The following UNC13C variants were observed in gnomAD, a reference collection of about 807,000 sequenced individuals.
UNC13C encodes the protein protein unc-13 homolog C.
A neutral mutation model predicts 245.4 loss-of-function variants in UNC13C; 174 were observed. The observed-to-expected ratio is 0.71, with a 90% CI of 0.63 to 0.80. The LOEUF is 0.80. Ranked by LOEUF, UNC13C falls within the 30% of genes least tolerant of loss-of-function variation. The probability of loss-of-function intolerance (pLI) is 0.00; values close to 1 mark genes in which losing one functional copy is unlikely to be tolerated. For missense variants in UNC13C, 2,829 were observed against 2,602.9 expected (o/e 1.09, Z -1.89); for synonymous variants, 992 against 895.1 (o/e 1.11, Z -1.93).
chr15:53,896,694 C>A, the UNC13C span, among the ~76,000 whole-genome samples: 4 of 152,190 alleles, frequency 2.6e-5, no homozygotes, highest in African/African-American at 9.6e-5. Flanking sequence ...TGTTTCTCAG[C>A]CTCCCTAAAG....
chr15:54,003,379 G>A (rs1021420573), intron 1 of UNC13C, among the ~76,000 whole-genome samples: 3 of 152,166 alleles, frequency 2.0e-5, no homozygotes, highest in Non-Finnish European at 4.4e-5. Context: ...AAAAGCAACA[G>A]TGCTTATCAT....
At chr15:54,008,210 A>G (rs937981356) in intron 1 of UNC13C, among the ~76,000 whole-genome samples, 1 of 152,200 alleles carries the variant, frequency 6.6e-6, no homozygotes, top group Admixed American at 6.5e-5. Flanking sequence ...ATTAAACACT[A>G]ATATTAGTTT....
chr15:54,632,613 C>T (rs1201380189), downstream of UNC13C: 1 of 152,152 alleles, frequency 6.6e-6, no homozygotes, highest in Non-Finnish European at 1.5e-5. Flanking sequence ...TCCAGCACCA[C>T]ACAATTCATT....
At chr15:54,600,534 C>T (rs973618754) in intron 30 of UNC13C, among the ~76,000 whole-genome samples, 1 of 151,916 alleles carries the variant, frequency 6.6e-6, no homozygotes, top group Non-Finnish European at 1.5e-5. Flanking sequence ...TTCCTTTGTC[C>T]CTATGGTACT....
chr15:53,983,182 AG>A (rs1353841851), intron 1 of UNC13C, among the ~76,000 whole-genome samples: 1 of 152,186 alleles, frequency 6.6e-6, no homozygotes, highest in Admixed American at 6.6e-5. Flanking sequence ...AAATAGCATT[AG>A]GATACTTAGC....
chr15:54,472,398 C>G (rs1455279308), intron 19 of UNC13C, among the ~76,000 whole-genome samples: 1 of 151,770 alleles, frequency 6.6e-6, no homozygotes, highest in East Asian at 1.9e-4. Flanking sequence ...ATTGTTATGT[C>G]AGTTTTATAG....
At chr15:54,120,651 A>G (rs2141193431) in intron 2 of UNC13C, among the ~76,000 whole-genome samples, 1 of 152,160 alleles carries the variant, frequency 6.6e-6, no homozygotes, top group South Asian at 2.1e-4. Flanking sequence ...GAATCTAGGA[A>G]AAAGTCAATT....
Position 54,013,577 on chromosome 15 carries a change from C to A in UNC13C, c.674C>A (p.Ala225Asp), listed in dbSNP as rs1337922521. 1 of 1,613,556 alleles carries A rather than the reference C, an allele frequency of 6.2e-7. No homozygotes were observed. Among genetic ancestry groups the A allele is most frequent in the Non-Finnish European group, 8.5e-7 (1 of 1,179,712 alleles). The change falls in exon 2 of 33, where the codon GCC becomes GAC. Residue 225 changes from alanine (A) to aspartate (D), a missense_variant. Physicochemically the swap from Ala to Asp is moderately radical, Grantham distance 126 (BLOSUM62 -2). Coordinates refer to ENST00000260323, the MANE Select transcript of UNC13C (RefSeq NM_001080534.3). ...ACTGTCCGAAACCCAAAGACAAATG[C>A]CCTGGAGCCAGGGTTCAGTTCCTCT... is the stretch of plus-strand genomic sequence containing the variant. ...DRTVRNPKTN[A>D]LEPGFSSSGC... is the part of the protein sequence containing the mutation.
intron 2 of UNC13C, among the ~76,000 whole-genome samples, chr15:54,083,429 G>A (rs559188066): frequency 3.9e-4 from 59 of 152,180 alleles, no homozygotes; most frequent in African/African-American, 1.4e-3. Context: ...GTAGGGAGAG[G>A]GAGTTGGGCC....
the UNC13C span, among the ~76,000 whole-genome samples, chr15:53,887,758 G>A: frequency 1.3e-5 from 2 of 151,952 alleles, no homozygotes; most frequent in African/African-American, 4.8e-5. Context: ...CTGTGTCCAT[G>A]TTTTCTCATT....
chr15:54,195,388 A>G (rs980228371), intron 4 of UNC13C, among the ~76,000 whole-genome samples: 1 of 152,184 alleles, frequency 6.6e-6, no homozygotes, highest in Non-Finnish European at 1.5e-5. Context: ...CTATGGAACA[A>G]AGGCATAATG....
Position 54,269,302 on chromosome 15 carries a change from A to AT in UNC13C, c.3818+3813dup, listed in dbSNP as rs1282666695. ...TTTGATATATTTTGCTCACTGCTTG[A>AT]TTTTTTTATGTGGGAGGGTATCTCT... On this transcript the variant is annotated intron_variant, in intron 10 of 32. Coordinates refer to ENST00000260323, the MANE Select transcript of UNC13C (RefSeq NM_001080534.3). 7.2e-5 allele frequency among the ~76,000 whole-genome samples: 11 copies of AT among 151,886 alleles called. 1 individual carries two copies. The highest frequency in any genetic ancestry group is 5.9e-4 in the Admixed American group (9 of 15,246).
chr15:54,559,382 A>T (rs1022076967), intron 29 of UNC13C, among the ~76,000 whole-genome samples: 3 of 152,086 alleles, frequency 2.0e-5, no homozygotes, highest in African/African-American at 7.2e-5. Flanking sequence ...GGTGATTCCA[A>T]GGGCTTTTTC....
rs530764641 is a variant in UNC13C, at chr15:54,588,678, T to C, written c.6106+20731T>C. ...CCAAGTTCCCGAAGTCCATTGTACA[T>C]TCTTATGCATTTGCATCCTTATAGC... On this transcript the variant is annotated intron_variant, in intron 30 of 32. Transcript: ENST00000260323. 9.2e-5 allele frequency among the ~76,000 whole-genome samples: 14 copies of C among 152,286 alleles called. 1 individual carries two copies. The South Asian group carries it at 1.7e-3, about 18-fold the overall frequency.
chr15:54,417,858 T>C (rs937896), intron 19 of UNC13C, among the ~76,000 whole-genome samples: 43,287 of 152,016 alleles, frequency 0.28, 6,748 homozygotes, highest in East Asian at 0.52. Context: ...AATTCAGAAT[T>C]ATTTTCATTT....
In UNC13C at chr15:54,403,288, C is replaced by G. The variant is rs189691112; in HGVS notation, c.4847+10107C>G. Among the ~76,000 whole-genome samples the G allele has an allele frequency of 7.2e-5, 11 of 152,172 alleles. No individual in the cohort carries two copies. In the East Asian group the frequency reaches 2.1e-3, roughly 29 times the overall value. On this transcript the variant is annotated intron_variant, in intron 18 of 32. Transcript: ENST00000260323. Reference sequence around the variant, plus strand: ...TTAGAGCTGGGCTCATGCTGGTATGCCTAGCTACTTGGGAGGATGAGGCGG... The same window carrying G: ...TTAGAGCTGGGCTCATGCTGGTATGGCTAGCTACTTGGGAGGATGAGGCGG...
chr15:54,583,116 A>T (rs996854974), intron 30 of UNC13C, among the ~76,000 whole-genome samples: 2 of 152,126 alleles, frequency 1.3e-5, no homozygotes, highest in African/African-American at 4.8e-5. Context: ...TAGGAACCAC[A>T]ATTTGAGAAC....
At chr15:54,582,667 G>A (rs1210758470) in intron 30 of UNC13C, among the ~76,000 whole-genome samples, 7 of 152,076 alleles carry the variant, frequency 4.6e-5, no homozygotes, top group Non-Finnish European at 8.8e-5. Context: ...TCTGCAGAAG[G>A]GACGTGTTTG....
At chr15:54,458,257 A>G (rs1429653014) in intron 19 of UNC13C, among the ~76,000 whole-genome samples, 32 of 152,112 alleles carry the variant, frequency 2.1e-4, no homozygotes. Context: ...AGTACTATAT[A>G]TACTTTTAGT....
Sources: gnomAD v4.1 joint callset for allele counts (sites outside exome capture counted in the v4.1 genomes callset) on GRCh38, gnomAD v4.1.1 for gene constraint, MANE v1.5 for transcripts, NCBI Gene and HGNC (gene_info 2026-07-23, HGNC 2026-07-21) for gene names.